The following GOLM1 variants were observed in gnomAD, a reference collection of about 807,000 sequenced individuals.
The protein encoded by GOLM1 is golgi membrane protein 1, also known as epididymis luminal protein 46.
GOLM1 carries 31 observed loss-of-function variants against 50.5 expected under a neutral mutation model. The observed-to-expected ratio is 0.61, with a 90% CI of 0.46 to 0.83. GOLM1 has a LOEUF of 0.83. Among genes scored for constraint, GOLM1 ranks in the 40% least tolerant of loss-of-function variants. GOLM1 has a pLI of 0.00. For missense variants in GOLM1, 491 were observed against 501.3 expected, an observed-to-expected ratio of 0.98 and a Z score of 0.20; for synonymous variants, 178 against 192.8, an observed-to-expected ratio of 0.92 and a Z score of 0.64.
chr9:86,035,889 A>AAAAAAAAAC (rs1564340981), intron 7 of GOLM1, among the ~76,000 whole-genome samples: 2 of 150,282 alleles, frequency 1.3e-5, no homozygotes, highest in East Asian at 2.0e-4. Context: ...AAAACAAAAA[A>AAAAAAAAAC]AAAAAAACAC....
intron 8 of GOLM1, among the ~76,000 whole-genome samples, chr9:86,034,347 C>G (rs991774222): frequency 1.3e-5 from 2 of 152,218 alleles, no homozygotes; most frequent in Non-Finnish European, 2.9e-5. Flanking sequence ...GGAAACTGCA[C>G]AGGCCTATGT....
At chr9:86,049,919 G>A (rs1023524265) in intron 4 of GOLM1, among the ~76,000 whole-genome samples, 4 of 152,184 alleles carry the variant, frequency 2.6e-5, no homozygotes, top group Admixed American at 1.3e-4. Context: ...TAGGAGTGGT[G>A]AGACAGGGCA....
In GOLM1 at chr9:86,049,923, C is replaced by T. The variant is rs536459655; in HGVS notation, c.364+2614G>A. ...ACTATGTTGAATAGGAGTGGTGAGA[C>T]AGGGCATCCCTGTCTTGTGCCTGTT... On this transcript the variant is annotated intron_variant, in intron 4 of 9. Transcript: ENST00000388712. Among the ~76,000 whole-genome samples the T allele has an allele frequency of 6.4e-4, 97 of 152,244 alleles. 3 individuals carry two copies. In the South Asian group the frequency reaches 0.02, roughly 31 times the overall value.
intron 4 of GOLM1, among the ~76,000 whole-genome samples, chr9:86,048,727 A>AT (rs959633683): frequency 5.3e-5 from 8 of 151,674 alleles, no homozygotes; most frequent in African/African-American, 1.7e-4. Flanking sequence ...GGGTTGTTTG[A>AT]TTTTTTTCTT....
At chr9:86,089,153 G>C (rs1835093131) in intron 1 of GOLM1, among the ~76,000 whole-genome samples, 1 of 152,172 alleles carries the variant, frequency 6.6e-6, no homozygotes, top group Admixed American at 6.5e-5. Context: ...GCTTCCCTTT[G>C]TGGGTAACCT....
At chr9:86,078,918 C>G (rs1050056133) in intron 2 of GOLM1, among the ~76,000 whole-genome samples, 3 of 152,152 alleles carry the variant, frequency 2.0e-5, no homozygotes, top group African/African-American at 7.2e-5. Context: ...ACCCCAGTAG[C>G]TCAAATGAAT....
chr9:86,060,996 G>A (rs1834147729), intron 3 of GOLM1, among the ~76,000 whole-genome samples: 1 of 148,480 alleles, frequency 6.7e-6, no homozygotes, highest in African/African-American at 2.4e-5. Context: ...TGGATGTTTT[G>A]GTATGATCAT....
chr9:86,035,602 C>A lies in GOLM1; in HGVS notation c.781G>T (p.Val261Leu). ...CTGTCCCTCTGAGGCTCCTCATTCACCACCTGGATCTCATTGGTTTCCTCT... is the reference window on the plus strand; with the variant it reads ...CTGTCCCTCTGAGGCTCCTCATTCAACACCTGGATCTCATTGGTTTCCTCT... ...EKEETNEIQVVNEEPQRDRLP... is the reference protein window; with the variant it reads ...EKEETNEIQVLNEEPQRDRLP... The change falls in exon 8 of 10, where the codon GTG becomes TTG. Residue 261 changes from valine (V) to leucine (L), a missense_variant. Val to Leu is a conservative substitution (Grantham distance 32). Transcript: ENST00000388712. 1 of 1,602,876 alleles carries A rather than the reference C, an allele frequency of 6.2e-7. No individual in the cohort carries two copies. The highest frequency in any genetic ancestry group is 8.5e-7 in the Non-Finnish European group (1 of 1,178,702).
At chr9:86,053,993 C>G (rs955844623) in intron 3 of GOLM1, among the ~76,000 whole-genome samples, 2 of 152,150 alleles carry the variant, frequency 1.3e-5, no homozygotes, top group African/African-American at 2.4e-5. Context: ...ATTCCACTAA[C>G]AAGACCTCTC....
At chr9:86,041,147 A>G (rs1398336036) in intron 5 of GOLM1, among the ~76,000 whole-genome samples, 1 of 152,218 alleles carries the variant, frequency 6.6e-6, no homozygotes, top group Non-Finnish European at 1.5e-5. Flanking sequence ...AATAAAAAAA[A>G]TATGTATTGG....
At chr9:86,037,438 C>CAAAAAA (rs112398885) in intron 6 of GOLM1, among the ~76,000 whole-genome samples, 7 of 59,130 alleles carry the variant, frequency 1.2e-4, no homozygotes, top group Admixed American at 1.9e-4. Context: ...GACTGTCTCT[C>CAAAAAA]AAAAAAAAAA....
chr9:86,055,283 A>AC (rs1313155769), intron 3 of GOLM1, among the ~76,000 whole-genome samples: 1 of 152,198 alleles, frequency 6.6e-6, no homozygotes, highest in Admixed American at 6.5e-5. Context: ...GGTATGCTGT[A>AC]CATCAGGGAT....
chr9:86,053,229 C>A (rs1197294241), intron 3 of GOLM1, among the ~76,000 whole-genome samples: 2 of 129,886 alleles, frequency 1.5e-5, no homozygotes, highest in African/African-American at 5.9e-5. Flanking sequence ...CCACTCCACA[C>A]CACACATACC....
At chr9:86,036,771 C>A in intron 6 of GOLM1, 2 of 450,340 alleles carry the variant, frequency 4.4e-6, no homozygotes, top group South Asian at 3.9e-5. Context: ...GAAGCATTTA[C>A]GGAATAATAA....
intron 2 of GOLM1, among the ~76,000 whole-genome samples, chr9:86,078,844 C>T (rs955673130): frequency 5.9e-5 from 9 of 152,158 alleles, no homozygotes; most frequent in African/African-American, 1.9e-4. Context: ...ATATCTTGGG[C>T]GCCGGAGGAC....
At chr9:86,083,131 C>T (rs1394968427) in intron 1 of GOLM1, among the ~76,000 whole-genome samples, 1 of 152,174 alleles carries the variant, frequency 6.6e-6, no homozygotes, top group East Asian at 1.9e-4. Context: ...TCAGTATTCA[C>T]TGGGGATTGG....
At chr9:86,085,481 C>CT (rs1401094612) in intron 1 of GOLM1, among the ~76,000 whole-genome samples, 904 of 74,514 alleles carry the variant, frequency 0.012, 7 homozygotes, top group African/African-American at 0.036. Context: ...GAAGGTTCTA[C>CT]TTTTTTTTTA....
intron 9 of GOLM1, among the ~76,000 whole-genome samples, chr9:86,030,660 GAA>G (rs1832947666): frequency 6.6e-6 from 1 of 151,916 alleles, no homozygotes; most frequent in African/African-American, 2.4e-5. Flanking sequence ...CCTGAACCCA[GAA>G]AAAAAGACAT....
intron 1 of GOLM1, among the ~76,000 whole-genome samples, chr9:86,092,809 A>G (rs930607362): frequency 1.8e-4 from 28 of 152,330 alleles, no homozygotes; most frequent in Admixed American, 7.8e-4. Context: ...ACTCACAGGC[A>G]GAGTTTATGG....
Sources: gnomAD v4.1 joint callset for allele counts (sites outside exome capture counted in the v4.1 genomes callset) on GRCh38, gnomAD v4.1.1 for gene constraint, MANE v1.5 for transcripts, NCBI Gene and HGNC (gene_info 2026-07-23, HGNC 2026-07-21) for gene names.